Variants in PLEKHH2 observed in about 807,000 individuals in gnomAD.
The protein encoded by PLEKHH2 is pleckstrin homology, MyTH4 and FERM domain containing H2.
Under a neutral mutation model 187.9 loss-of-function variants are expected in PLEKHH2, and 129 were observed. The ratio of observed to expected loss-of-function variants is 0.69; its 90% confidence interval spans 0.59 to 0.79. The LOEUF is 0.79. Among genes scored for constraint, PLEKHH2 ranks in the 30% least tolerant of loss-of-function variants. The probability of loss-of-function intolerance (pLI) is 0.00; values close to 1 mark genes in which losing one functional copy is unlikely to be tolerated. For synonymous variants in PLEKHH2, 686 were observed against 605.6 expected (o/e 1.13, Z -1.95); for missense variants, 2,076 against 1,751.2 (o/e 1.19, Z -3.31).
rs1344540412 is a variant in PLEKHH2, at chr2:43,700,448, C to G, written c.1490C>G (p.Thr497Arg). ...TDLDLVDGDS[T>R]EVLENMDTSC... is the part of the protein sequence containing the mutation. ...CTTGATCTAGTTGATGGAGACAGTA[C>G]AGAAGTTTTAGAGAATATGGACACG... The change falls in exon 8 of 30, where the codon ACA (threonine) becomes AGA (arginine). Residue 497 changes from threonine (T) to arginine (R), a missense_variant. Physicochemically the swap from Thr to Arg is moderately conservative, Grantham distance 71. Transcript: ENST00000282406. 2 of 1,613,970 alleles carry G rather than the reference C, an allele frequency of 1.2e-6. No homozygotes were observed. The highest frequency in any genetic ancestry group is 3.3e-5 in the Admixed American group (2 of 60,000).
At chr2:43,678,468 G>T (rs1400766039) in intron 2 of PLEKHH2, among the ~76,000 whole-genome samples, 1 of 152,224 alleles carries the variant, frequency 6.6e-6, no homozygotes, top group African/African-American at 2.4e-5. Flanking sequence ...GGCACCTCAG[G>T]AGGCCGAGGC....
At chr2:43,707,196 C>CAAAAAAAAA (rs60819579) in intron 10 of PLEKHH2, among the ~76,000 whole-genome samples, 11 of 88,186 alleles carry the variant, frequency 1.2e-4, no homozygotes, top group African/African-American at 5.1e-4. Flanking sequence ...GACTCCACCT[C>CAAAAAAAAA]AAAAAAAAAA....
chr2:43,653,982 G>A (rs1019598316), intron 2 of PLEKHH2, among the ~76,000 whole-genome samples: 34 of 152,176 alleles, frequency 2.2e-4, no homozygotes, highest in African/African-American at 8.0e-4. Context: ...TGGGAGATAG[G>A]AAGTGTATTT....
chr2:43,711,118 C>G (rs1669942559), intron 14 of PLEKHH2: 12 of 985,618 alleles, frequency 1.2e-5, no homozygotes, highest in Non-Finnish European at 1.4e-5. Flanking sequence ...TGCCAGAAAT[C>G]TGTTAAATTT....
intron 1 of PLEKHH2, among the ~76,000 whole-genome samples, chr2:43,643,459 A>G (rs1318986295): frequency 1.3e-5 from 2 of 152,150 alleles, no homozygotes; most frequent in Non-Finnish European, 2.9e-5. Context: ...TGATTTAAGT[A>G]CAAAACAATC....
At chr2:43,711,205 C>T in intron 14 of PLEKHH2, 1 of 985,446 alleles carries the variant, frequency 1.0e-6, no homozygotes, top group Non-Finnish European at 1.2e-6. Flanking sequence ...TCTTCAATAA[C>T]CATTATTTTC....
At chr2:43,698,579 GC>G (rs1437595303) in intron 7 of PLEKHH2, among the ~76,000 whole-genome samples, 2 of 152,034 alleles carry the variant, frequency 1.3e-5, no homozygotes, top group South Asian at 2.1e-4. Context: ...CTTTTGAGAA[GC>G]CATTTTCATT....
intron 2 of PLEKHH2, 88 bp downstream of exon 2, chr2:43,644,884 T>A (rs1403629128): frequency 7.5e-7 from 1 of 1,336,990 alleles, no homozygotes; most frequent in Non-Finnish European, 1.0e-6. Flanking sequence ...ACTTTGGGGG[T>A]TTGATTTAAT....
chr2:43,640,261 T>C (rs979546283), intron 1 of PLEKHH2, among the ~76,000 whole-genome samples: 13 of 151,576 alleles, frequency 8.6e-5, no homozygotes, highest in African/African-American at 3.2e-4. Flanking sequence ...CAGGCTGGAG[T>C]GCAGTGTATG....
At position 43,741,026 on chromosome 2, in the gene PLEKHH2, G is replaced by C. The variant is rs1267256040; in HGVS notation, c.3204G>C (p.Lys1068Asn). 1.2e-6 allele frequency: 2 copies of C among 1,612,986 alleles called. No homozygotes were observed. The highest frequency in any genetic ancestry group is 2.7e-5 in the African/African-American group (2 of 74,882). ...PFLWLLRLHL[K>N]RNADSRTEFG... ...TGTGGCTCCTCAGGCTTCACCTAAA[G>C]AGGAATGCAGATTCCAGGTGTGCAG... is the stretch of plus-strand genomic sequence containing the variant. Residue 1068 changes from lysine (K) to asparagine (N), a missense_variant, in exon 21 of 30, where the codon AAG (lysine) becomes AAC (asparagine). By Grantham distance (94) the Lys-to-Asn change is moderately conservative. Coordinates refer to ENST00000282406, the MANE Select transcript of PLEKHH2 (RefSeq NM_172069.4).
At chr2:43,669,305 G>A (rs1270811519) in intron 2 of PLEKHH2, among the ~76,000 whole-genome samples, 1 of 152,180 alleles carries the variant, frequency 6.6e-6, no homozygotes, top group Non-Finnish European at 1.5e-5. Context: ...GAAATGCAGA[G>A]CAAAGCAATG....
intron 2 of PLEKHH2, among the ~76,000 whole-genome samples, chr2:43,645,136 A>G (rs1366768272): frequency 6.6e-6 from 1 of 152,144 alleles, no homozygotes; most frequent in African/African-American, 2.4e-5. Context: ...AAGGGATTAT[A>G]GAAAAAAATT....
rs1341179018 is a variant in PLEKHH2, at chr2:43,743,700, GA to G, written c.3400-127del. ...TTAATTTTCTCCAGAGGAGCTTTGGGAAAAAAAGTTGAAGCACCTAGAAAAA... is the reference window on the plus strand; with the variant it reads ...TTAATTTTCTCCAGAGGAGCTTTGGGAAAAAAGTTGAAGCACCTAGAAAAA... On this transcript the variant is annotated intron_variant, in intron 22 of 29. Transcript: ENST00000282406. 12 of 866,986 alleles carry G rather than the reference GA, an allele frequency of 1.4e-5. No individual in the cohort carries two copies. In the East Asian group the frequency reaches 1.5e-4, roughly 11 times the overall value. The allele number at this position is 866,986 out of a possible 1,614,324, so 53.7% of individuals were successfully genotyped here.
Position 43,700,399 on chromosome 2 carries a change from C to A in PLEKHH2, c.1441C>A (p.Pro481Thr), listed in dbSNP as rs17031297. 16,270 of 1,614,048 alleles carry A rather than the reference C, an allele frequency of 0.01. 398 individuals carry two copies. The highest frequency in any genetic ancestry group is 0.076 in the African/African-American group (5,737 of 74,996). Residue 481 changes from proline to threonine, a missense_variant, in exon 8 of 30, where the codon CCA (proline) becomes ACA (threonine). By Grantham distance (38) the Pro-to-Thr change is conservative. Transcript: ENST00000282406. ...TAGAAACGCTATAAGCATGATACGA[C>A]CACTGAGACCTCAGGAAACTGATCT... ...TNRNAISMIR[P>T]LRPQETDLDL...
At chr2:43,639,061 G>A (rs1213915955) in intron 1 of PLEKHH2, among the ~76,000 whole-genome samples, 6 of 152,142 alleles carry the variant, frequency 3.9e-5, no homozygotes, top group Non-Finnish European at 5.9e-5. Context: ...AGCAAAGTGC[G>A]CTAGGTAAGA....
intron 2 of PLEKHH2, chr2:43,676,138 A>T (rs1206883776): frequency 1.9e-6 from 3 of 1,613,938 alleles, no homozygotes; most frequent in Admixed American, 3.3e-5. Context: ...ACTGAGCTCC[A>T]AGAGTATCAC....
chr2:43,738,282 C>A, intron 19 of PLEKHH2, 59 bp from the exon 20 acceptor site: 2 of 1,336,426 alleles, frequency 1.5e-6, no homozygotes, highest in South Asian at 1.6e-5. Flanking sequence ...CGATATAATT[C>A]ATGCAGAATA....
chr2:43,688,571 T>C (rs1480499781), intron 3 of PLEKHH2, among the ~76,000 whole-genome samples: 4 of 152,198 alleles, frequency 2.6e-5, no homozygotes, highest in Non-Finnish European at 5.9e-5. Context: ...GCTCCTGCTT[T>C]CTCCTATGGA....
chr2:43,679,446 CA>C, intron 3 of PLEKHH2: 1 of 306,506 alleles, frequency 3.3e-6, no homozygotes, highest in Non-Finnish European at 6.2e-6. Flanking sequence ...AAAATTTTAA[CA>C]AATGTTTACA....
Sources: gnomAD v4.1 joint callset for allele counts (sites outside exome capture counted in the v4.1 genomes callset) on GRCh38, gnomAD v4.1.1 for gene constraint, MANE v1.5 for transcripts, NCBI Gene and HGNC (gene_info 2026-07-23, HGNC 2026-07-21) for gene names.